Variants in LRRC8A observed in about 807,000 individuals in gnomAD.
The protein encoded by LRRC8A is volume-regulated anion channel subunit LRRC8A.
LRRC8A carries 24 observed loss-of-function variants against 52.5 expected under a neutral mutation model. The observed-to-expected ratio is 0.46, with a 90% confidence interval of 0.33 to 0.64. The LOEUF (loss-of-function observed/expected upper bound fraction) is 0.64. Ranked by LOEUF, LRRC8A falls within the 30% of genes least tolerant of loss-of-function variation. LRRC8A has a pLI of 0.02. For missense variants in LRRC8A, 677 were observed against 1,094.7 expected, an observed-to-expected ratio of 0.62 and a Z score of 5.38; for synonymous variants, 492 against 494.2, an observed-to-expected ratio of 1.00 and a Z score of 0.06.
chr9:128,885,686 T>C (rs556098687), intron 1 of LRRC8A, among the ~76,000 whole-genome samples: 1 of 152,066 alleles, frequency 6.6e-6, no homozygotes, highest in Non-Finnish European at 1.5e-5. Flanking sequence ...GGCGGGCAGA[T>C]CCCTGGAGGT....
intron 1 of LRRC8A, chr9:128,884,866 A>G (rs1839327809): frequency 6.6e-6 from 1 of 152,260 alleles, no homozygotes; most frequent in Non-Finnish European, 1.5e-5. Flanking sequence ...TTGCAGGGTT[A>G]TTGACCTACC....
chr9:128,912,461 C>T (rs1840591823), intron 3 of LRRC8A, among the ~76,000 whole-genome samples: 1 of 113,582 alleles, frequency 8.8e-6, no homozygotes, highest in African/African-American at 3.3e-5. Flanking sequence ...GTGAGATGGG[C>T]TGCCCAGGAA....
intron 2 of LRRC8A, among the ~76,000 whole-genome samples, chr9:128,896,623 G>A (rs888049315): frequency 6.6e-6 from 1 of 152,124 alleles, no homozygotes; most frequent in Non-Finnish European, 1.5e-5. Context: ...AATTGCCTAT[G>A]CGTATATTTT....
At chr9:128,891,108 T>TA (rs757078904) in intron 2 of LRRC8A, among the ~76,000 whole-genome samples, 2 of 151,584 alleles carry the variant, frequency 1.3e-5, no homozygotes, top group Non-Finnish European at 2.9e-5. Flanking sequence ...CCGTTTCTAC[T>TA]AAAAAATACA....
At chr9:128,901,343 A>T (rs1840016636) in intron 2 of LRRC8A, among the ~76,000 whole-genome samples, 1 of 152,114 alleles carries the variant, frequency 6.6e-6, no homozygotes, top group Non-Finnish European at 1.5e-5. Context: ...GCGCGCCTGT[A>T]GTGCCAGCTG....
rs3750319 is a variant in LRRC8A at position 128,908,640 on chromosome 9, T to C, written c.1476T>C (p.Arg492=). The C allele has an allele frequency of 0.7, 1,125,073 of 1,612,392 alleles. 399,639 individuals carry two copies. The highest frequency in any genetic ancestry group is 0.78 in the Admixed American group (46,534 of 59,954). Reference sequence around the variant, plus strand: ...AAGCGCCCGCGCTGGCCTTCCTGCGTGAGAACCTGCGGGCGCTGCACATCA... The same window carrying C: ...AAGCGCCCGCGCTGGCCTTCCTGCGCGAGAACCTGCGGGCGCTGCACATCA... The part of the protein sequence containing the change: ...KIEAPALAFL[R]ENLRALHIKF... The change falls in exon 3 of 4, where the codon CGT becomes CGC. Residue 492 remains arginine (R), a synonymous_variant. Transcript: ENST00000372600.
intron 2 of LRRC8A, among the ~76,000 whole-genome samples, chr9:128,886,371 G>A (rs1226521145): frequency 6.6e-6 from 1 of 152,216 alleles, no homozygotes; most frequent in African/African-American, 2.4e-5. Context: ...CTTCACCCCA[G>A]ATCTTATCAG....
Position 128,908,154 on chromosome 9 carries a change from C to T in LRRC8A, c.990C>T (p.Ile330=). Residue 330 remains isoleucine, a synonymous_variant, in exon 3 of 4, where the codon ATC becomes ATT. Coordinates refer to ENST00000372600, the MANE Select transcript of LRRC8A (RefSeq NM_019594.4). ...ILASFYISLV[I]FYGLICMYTL... Reference sequence around the variant, plus strand: ...CGTCCTTCTACATCAGCCTAGTCATCTTCTACGGCCTCATCTGCATGTATA... The same window carrying T: ...CGTCCTTCTACATCAGCCTAGTCATTTTCTACGGCCTCATCTGCATGTATA... The T allele has an allele frequency of 1.9e-6, 3 of 1,614,080 alleles. No individual in the cohort carries two copies. The highest frequency in any genetic ancestry group is 2.2e-5 in the East Asian group (1 of 44,878).
chr9:128,915,997 A>G, intron 3 of LRRC8A, 99 bp from the exon 4 acceptor site: 3 of 1,426,614 alleles, frequency 2.1e-6, no homozygotes, highest in Non-Finnish European at 1.9e-6. Flanking sequence ...TGGGGATCAG[A>G]AAAGATGCTG....
chr9:128,908,361 G>A lies in LRRC8A; in HGVS notation c.1197G>A (p.Glu399=). The A allele has an allele frequency of 6.2e-7, 1 of 1,614,042 alleles. No homozygotes were observed. Among genetic ancestry groups the A allele is most frequent in the Admixed American group, 1.7e-5 (1 of 60,016 alleles). The change falls in exon 3 of 4, where the codon GAG becomes GAA. Residue 399 remains glutamate (E), a synonymous_variant. Coordinates refer to ENST00000372600, the MANE Select transcript of LRRC8A (RefSeq NM_019594.4). ...CCGTCTTCCTGTCGGAGGTGAGTGA[G>A]AACAAGCTGCGGCAGCTGAACCTCA... The part of the protein sequence containing the change: ...RFAVFLSEVS[E]NKLRQLNLNN...
chr9:128,903,131 T>C (rs4588963), intron 2 of LRRC8A, among the ~76,000 whole-genome samples: 151,768 of 152,268 alleles, frequency 1, 75,639 homozygotes, highest in Middle Eastern at 1. Flanking sequence ...GATGTCACCT[T>C]CCTGAGCCTT....
At chr9:128,897,118 C>G (rs998424356) in intron 2 of LRRC8A, among the ~76,000 whole-genome samples, 1 of 152,122 alleles carries the variant, frequency 6.6e-6, no homozygotes, top group Non-Finnish European at 1.5e-5. Flanking sequence ...TTATGTCTTT[C>G]GATGTATGCT....
At chr9:128,910,850 C>T (rs1186347944) in intron 3 of LRRC8A, among the ~76,000 whole-genome samples, 7 of 152,242 alleles carry the variant, frequency 4.6e-5, no homozygotes, top group Admixed American at 6.5e-5. Context: ...GCACCCTCCC[C>T]TCTGCAGCCT....
chr9:128,888,613 G>T (rs1051267677), intron 2 of LRRC8A, among the ~76,000 whole-genome samples: 3 of 152,110 alleles, frequency 2.0e-5, no homozygotes, highest in Non-Finnish European at 2.9e-5. Flanking sequence ...GCTCTCTTTT[G>T]GGGTATAGCT....
At chr9:128,893,342 G>A (rs1037699966) in intron 2 of LRRC8A, among the ~76,000 whole-genome samples, 3 of 152,336 alleles carry the variant, frequency 2.0e-5, no homozygotes, top group East Asian at 1.9e-4. Flanking sequence ...AGGTGGGACC[G>A]TGGAACGACA....
At chr9:128,884,443 G>A (rs1023578562) in intron 1 of LRRC8A, among the ~76,000 whole-genome samples, 1 of 152,232 alleles carries the variant, frequency 6.6e-6, no homozygotes, top group Non-Finnish European at 1.5e-5. Context: ...GAAAGTGCCT[G>A]TCTTGGGCCT....
rs369356157 is a variant in LRRC8A at position 128,890,628 on chromosome 9, C to T, written c.-9+4507C>T. On this transcript the variant is annotated intron_variant, in intron 2 of 3. Coordinates refer to ENST00000372600, the MANE Select transcript of LRRC8A (RefSeq NM_019594.4). Reference sequence around the variant, plus strand: ...GTAGCCCCCTTCCATCCCAGAGAGTCGGGTACCAGGCAGCTCACCCTCTGT... The same window carrying T: ...GTAGCCCCCTTCCATCCCAGAGAGTTGGGTACCAGGCAGCTCACCCTCTGT... Among the ~76,000 whole-genome samples the T allele has an allele frequency of 3.5e-4, 54 of 152,252 alleles. No individual in the cohort carries two copies. In the East Asian group the frequency reaches 8.9e-3, roughly 25 times the overall value.
rs1168282295 is a variant in LRRC8A at position 128,908,413 on chromosome 9, C to T, written c.1249C>T (p.Arg417Trp). ...CAACGAGTGGACGCTGGACAAGCTC[C>T]GGCAGCGGCTCACCAAGAACGCGCA... ...LNNEWTLDKL[R>W]QRLTKNAQDK... The change falls in exon 3 of 4, where the codon CGG becomes TGG. Residue 417 changes from arginine to tryptophan, a missense_variant. Arg to Trp is a moderately radical substitution (Grantham distance 101). Coordinates refer to ENST00000372600, the MANE Select transcript of LRRC8A (RefSeq NM_019594.4). 3.7e-6 allele frequency: 6 copies of T among 1,613,498 alleles called. No individual in the cohort carries two copies. Among genetic ancestry groups the T allele is most frequent in the East Asian group, 4.5e-5 (2 of 44,902 alleles).
In LRRC8A at chr9:128,902,888, C is replaced by T. The variant is rs1374664298; in HGVS notation, c.-8-4269C>T. On this transcript the variant is annotated intron_variant, in intron 2 of 3. Coordinates refer to ENST00000372600, the MANE Select transcript of LRRC8A (RefSeq NM_019594.4). The surrounding 1 kb of genome is among the most constrained non-coding windows in gnomAD (Gnocchi z 4.1). ...CTGGCCTGGAGCTGCCAGCCCAGGG[C>T]GGGCGGTGGTGTCTGCTGGCCCCTT... Among the ~76,000 whole-genome samples, 4 of 152,082 alleles carry T rather than the reference C, an allele frequency of 2.6e-5. No homozygotes were observed. The highest frequency in any genetic ancestry group is 5.9e-5 in the Non-Finnish European group (4 of 67,992).
Sources: gnomAD v4.1 joint callset for allele counts (sites outside exome capture counted in the v4.1 genomes callset) on GRCh38, gnomAD v4.1.1 for gene constraint, Gnocchi (gnomAD v3.1) non-coding constraint, MANE v1.5 for transcripts, NCBI Gene and HGNC (gene_info 2026-07-23, HGNC 2026-07-21) for gene names.